Variants in MOB3B observed in about 807,000 individuals in gnomAD.
MOB3B encodes MOB kinase activator 3B.
In MOB3B, 7 loss-of-function variants were observed where a neutral mutation model predicts 18.7. That is an observed-to-expected ratio of 0.37 (90% confidence interval 0.21 to 0.70). MOB3B has a LOEUF of 0.70. MOB3B is among the 30% of genes least tolerant of loss of function. The probability of loss-of-function intolerance (pLI) is 0.52; values close to 1 mark genes in which losing one functional copy is unlikely to be tolerated. For missense variants in MOB3B, 253 were observed against 281.3 expected (o/e 0.90, Z 0.72); for synonymous variants, 111 against 99.9 (o/e 1.11, Z -0.66).
chr9:27,523,142 T>C (rs1017782539), intron 1 of MOB3B, among the ~76,000 whole-genome samples: 3 of 152,164 alleles, frequency 2.0e-5, no homozygotes, highest in African/African-American at 4.8e-5. Context: ...TGAGAAGATA[T>C]AATAAGCTAC....
chr9:27,423,181 C>T (rs1490415047), intron 2 of MOB3B, among the ~76,000 whole-genome samples: 1 of 152,184 alleles, frequency 6.6e-6, no homozygotes, highest in Non-Finnish European at 1.5e-5. Flanking sequence ...CATTTTACTA[C>T]ATTGGGCTTC....
At chr9:27,413,534 G>T (rs1231468660) in intron 2 of MOB3B, among the ~76,000 whole-genome samples, 2 of 152,150 alleles carry the variant, frequency 1.3e-5, no homozygotes, top group Non-Finnish European at 2.9e-5. Context: ...ACATGTACGT[G>T]GCTAGATTTG....
At chr9:27,440,403 C>A (rs1822575592) in intron 2 of MOB3B, among the ~76,000 whole-genome samples, 1 of 149,960 alleles carries the variant, frequency 6.7e-6, no homozygotes, top group African/African-American at 2.5e-5. Flanking sequence ...TCCATAATAG[C>A]TACCTTACTG....
intron 2 of MOB3B, among the ~76,000 whole-genome samples, chr9:27,364,182 A>G (rs553415736): frequency 6.6e-6 from 1 of 152,316 alleles, no homozygotes; most frequent in Non-Finnish European, 1.5e-5. Flanking sequence ...GGCTAGCTAC[A>G]ATGGCATCCT....
At chr9:27,427,638 A>T (rs1349306928) in intron 2 of MOB3B, among the ~76,000 whole-genome samples, 6 of 152,024 alleles carry the variant, frequency 3.9e-5, no homozygotes, top group East Asian at 1.9e-4. Flanking sequence ...TAGTTCAAAT[A>T]AAAAAAAGGA....
chr9:27,415,355 C>G (rs1176096095), intron 2 of MOB3B, among the ~76,000 whole-genome samples: 4 of 150,930 alleles, frequency 2.7e-5, no homozygotes, highest in African/African-American at 2.4e-5. Flanking sequence ...GAAGATGGCT[C>G]TAAAGTTATA....
chr9:27,512,212 T>TGA (rs1693560859), intron 1 of MOB3B, among the ~76,000 whole-genome samples: 1 of 152,192 alleles, frequency 6.6e-6, no homozygotes, highest in African/African-American at 2.4e-5. Flanking sequence ...GGTTTTGAGC[T>TGA]GGGTACACAT....
chr9:27,438,479 A>C (rs1197081476), intron 2 of MOB3B, among the ~76,000 whole-genome samples: 3 of 152,240 alleles, frequency 2.0e-5, no homozygotes, highest in Non-Finnish European at 4.4e-5. Flanking sequence ...GAGACCTAGC[A>C]GATGGGCAAA....
Position 27,326,209 on chromosome 9 carries a change from G to A in MOB3B, c.*4378C>T. 2.8e-6 allele frequency: 1 copy of A among 362,648 alleles called. No individual in the cohort carries two copies. The highest frequency in any genetic ancestry group is 4.9e-6 in the Non-Finnish European group (1 of 204,014). The allele number at this position is 362,648 out of a possible 1,614,324, so 22.5% of individuals were successfully genotyped here. On this transcript the variant is annotated 3_prime_UTR_variant, in exon 4 of 4. Coordinates refer to ENST00000262244, the MANE Select transcript of MOB3B (RefSeq NM_024761.5). The stretch of plus-strand genomic sequence containing the variant: ...TTCACTGCTGGTCACAGCCATAACA[G>A]AGAGTGATGTGGAGAGCTTTGGGAA...
At chr9:27,355,306 G>T (rs1821169521) in intron 3 of MOB3B, among the ~76,000 whole-genome samples, 1 of 152,244 alleles carries the variant, frequency 6.6e-6, no homozygotes, top group South Asian at 2.1e-4. Flanking sequence ...GAATCCCAAG[G>T]CATGACACCA....
chr9:27,400,796 T>C (rs1821866769), intron 2 of MOB3B, among the ~76,000 whole-genome samples: 1 of 152,212 alleles, frequency 6.6e-6, no homozygotes, highest in African/African-American at 2.4e-5. Flanking sequence ...AGACAATCAC[T>C]CAAAGGGGGC....
At position 27,327,673 on chromosome 9, in the gene MOB3B, G is replaced by A. The variant is rs767927207; in HGVS notation, c.*2914C>T. ...AAAGAGAATGACAACTACATATAAC[G>A]TATAATTCTTGATTGGATCCTGGAT... is the stretch of plus-strand genomic sequence containing the variant. On this transcript the variant is annotated 3_prime_UTR_variant, in exon 4 of 4. Coordinates refer to ENST00000262244, the MANE Select transcript of MOB3B (RefSeq NM_024761.5). 1.3e-5 allele frequency: 2 copies of A among 151,940 alleles called. No individual in the cohort carries two copies. Among genetic ancestry groups the A allele is most frequent in the South Asian group, 2.1e-4 (1 of 4,806 alleles). 9.4% of individuals were successfully genotyped at this position (151,940 alleles called of 1,614,324 possible). A position where few individuals can be genotyped will look rare whatever the true frequency, so the allele number is the denominator to read the frequency against.
At chr9:27,497,312 A>T (rs1819917649) in intron 1 of MOB3B, among the ~76,000 whole-genome samples, 1 of 152,202 alleles carries the variant, frequency 6.6e-6, no homozygotes, top group African/African-American at 2.4e-5. Context: ...TCTTTATCAC[A>T]ACATTGTTTA....
rs567043735 is a variant in MOB3B, at chr9:27,356,307, T to A, written c.621+2727A>T. 9.2e-5 allele frequency among the ~76,000 whole-genome samples: 14 copies of A among 152,346 alleles called. No homozygotes were observed. The South Asian group carries it at 2.7e-3, about 29-fold the overall frequency. On this transcript the variant is annotated intron_variant, in intron 3 of 3. Coordinates refer to ENST00000262244, the MANE Select transcript of MOB3B (RefSeq NM_024761.5). ...TAAACTTCTGGGGAAAAAAACCTGG[T>A]ACCTTTCTTGCTCAATTAAACTGTT...
intron 1 of MOB3B, among the ~76,000 whole-genome samples, chr9:27,468,259 C>A (rs1819415565): frequency 1.3e-5 from 2 of 152,176 alleles, no homozygotes; most frequent in Non-Finnish European, 2.9e-5. Flanking sequence ...AGTCCCCCAT[C>A]ATCTATGAAG....
At chr9:27,352,496 G>A (rs1045608758) in intron 3 of MOB3B, among the ~76,000 whole-genome samples, 1 of 152,144 alleles carries the variant, frequency 6.6e-6, no homozygotes, top group Admixed American at 6.5e-5. Context: ...ATGCTTGTGC[G>A]TCATGCACAT....
intron 1 of MOB3B, among the ~76,000 whole-genome samples, chr9:27,512,854 A>G (rs139603203): frequency 1.9e-3 from 285 of 152,300 alleles, no homozygotes; most frequent in African/African-American, 6.7e-3. Flanking sequence ...ATCATGAAAA[A>G]CATTATTTTA....
intron 3 of MOB3B, among the ~76,000 whole-genome samples, chr9:27,353,198 G>A (rs537041569): frequency 2.0e-5 from 3 of 152,268 alleles, no homozygotes; most frequent in African/African-American, 4.8e-5. Context: ...CAGCAGCATC[G>A]ATATCATCTG....
In MOB3B at chr9:27,325,211, A is replaced by G. The variant is rs553946570; in HGVS notation, c.*5376T>C. ...GCATTAAAAAAAGACAGACTAGATA[A>G]TGGTTATATGCTTTTTATTTGTGAC... On this transcript the variant is annotated 3_prime_UTR_variant, in exon 4 of 4. Coordinates refer to ENST00000262244, the MANE Select transcript of MOB3B (RefSeq NM_024761.5). The G allele has an allele frequency of 6.6e-6, 1 of 152,308 alleles. No individual in the cohort carries two copies. Among genetic ancestry groups the G allele is most frequent in the South Asian group, 2.1e-4 (1 of 4,818 alleles). The allele number at this position is 152,308 out of a possible 1,614,324, so 9.4% of individuals were successfully genotyped here.
Sources: gnomAD v4.1 joint callset for allele counts (sites outside exome capture counted in the v4.1 genomes callset) on GRCh38, gnomAD v4.1.1 for gene constraint, MANE v1.5 for transcripts, NCBI Gene and HGNC (gene_info 2026-07-23, HGNC 2026-07-21) for gene names.